The following STK32B variants were observed in gnomAD, a reference collection of about 807,000 sequenced individuals.
STK32B encodes the protein serine/threonine kinase 32B, also known as serine/threonine-protein kinase 32B.
A neutral mutation model predicts 52.6 loss-of-function variants in STK32B; 43 were observed. That is an observed-to-expected ratio of 0.82 (90% CI 0.64 to 1.05). The LOEUF (loss-of-function observed/expected upper bound fraction) is 1.05. STK32B is among the 50% of genes least tolerant of loss of function. STK32B has a pLI of 0.00. For synonymous variants in STK32B, 238 were observed against 204.3 expected (o/e 1.17, Z -1.41); for missense variants, 621 against 534.6 (o/e 1.16, Z -1.59).
intron 3 of STK32B, among the ~76,000 whole-genome samples, chr4:5,298,963 A>G (rs1729381200): frequency 1.3e-5 from 2 of 152,110 alleles, no homozygotes; most frequent in South Asian, 2.1e-4. Context: ...TGGGTTGGAA[A>G]AACTATGGGA....
At chr4:5,311,632 G>C (rs1307832433) in intron 3 of STK32B, among the ~76,000 whole-genome samples, 1 of 152,096 alleles carries the variant, frequency 6.6e-6, no homozygotes, top group African/African-American at 2.4e-5. Flanking sequence ...CCATTAAACA[G>C]ATAAAGAGAA....
chr4:5,312,497 C>T (rs28588317), intron 3 of STK32B, among the ~76,000 whole-genome samples: 1,700 of 150,218 alleles, frequency 0.011, 22 homozygotes, highest in South Asian at 0.057. Flanking sequence ...TCCATGTGTT[C>T]TCATTGTTCA....
chr4:5,277,858 T>C (rs1001145584), intron 3 of STK32B, among the ~76,000 whole-genome samples: 1 of 152,194 alleles, frequency 6.6e-6, no homozygotes, highest in Non-Finnish European at 1.5e-5. Context: ...CCTTTGACCA[T>C]CCATAAGAAT....
rs1211099463 is a variant in STK32B at position 5,470,128 on chromosome 4, G to A, written c.1106+2058G>A. 6.6e-6 allele frequency among the ~76,000 whole-genome samples: 1 copy of A among 152,186 alleles called. No individual in the cohort carries two copies. The highest frequency in any genetic ancestry group is 1.9e-4 in the East Asian group (1 of 5,194). On this transcript the variant is annotated intron_variant, in intron 11 of 11. Transcript: ENST00000282908. The surrounding 1 kb of genome is among the most constrained non-coding windows in gnomAD (Gnocchi z 4.6). ...TGGATTCTTCCTTTTAAAAGGAAGTGAGAATGAGACATCCTTCCCTGTGTC... is the reference window on the plus strand; with the variant it reads ...TGGATTCTTCCTTTTAAAAGGAAGTAAGAATGAGACATCCTTCCCTGTGTC...
rs1370294541 is a variant in STK32B at position 5,234,972 on chromosome 4, A to G, written c.260+66522A>G. 2.6e-5 allele frequency among the ~76,000 whole-genome samples: 4 copies of G among 152,368 alleles called. No individual in the cohort carries two copies. In the East Asian group the frequency reaches 7.7e-4, roughly 29 times the overall value. ...AAGGAAAGGAGGTGCCCTTCCTGAG[A>G]ACTTTCCATAAACCAAGCACAGTGC... On this transcript the variant is annotated intron_variant, in intron 3 of 11. Coordinates refer to ENST00000282908, the MANE Select transcript of STK32B (RefSeq NM_018401.3).
At chr4:5,357,573 A>T (rs1184357740) in intron 4 of STK32B, among the ~76,000 whole-genome samples, 3 of 152,100 alleles carry the variant, frequency 2.0e-5, no homozygotes, top group Non-Finnish European at 4.4e-5. Context: ...TCTAAAAAAA[A>T]AAATGTTCTC....
intron 11 of STK32B, among the ~76,000 whole-genome samples, chr4:5,487,927 A>G (rs773525879): frequency 9.2e-5 from 14 of 152,134 alleles, no homozygotes; most frequent in African/African-American, 3.4e-4. Flanking sequence ...TCTAGTTTCA[A>G]TGTATCAGGC....
At chr4:5,468,528 G>C (rs1173994324) in intron 11 of STK32B, among the ~76,000 whole-genome samples, 2 of 152,188 alleles carry the variant, frequency 1.3e-5, no homozygotes, top group South Asian at 4.1e-4. Context: ...ATGAGGCTGT[G>C]GTCCCGCAGC....
At chr4:5,412,857 A>G (rs1366743324) in intron 5 of STK32B, among the ~76,000 whole-genome samples, 1 of 152,166 alleles carries the variant, frequency 6.6e-6, no homozygotes, top group Admixed American at 6.5e-5. Context: ...CTGAAAGAGT[A>G]TTCAAAATTG....
chr4:5,114,246 T>G (rs1046595631), intron 1 of STK32B, among the ~76,000 whole-genome samples: 2 of 151,532 alleles, frequency 1.3e-5, no homozygotes, highest in Admixed American at 1.3e-4. Context: ...TCTCATACTT[T>G]CCCCAGTTCC....
chr4:5,444,164 T>C (rs6814733), intron 6 of STK32B, among the ~76,000 whole-genome samples: 10 of 152,200 alleles, frequency 6.6e-5, no homozygotes, highest in African/African-American at 1.9e-4. Flanking sequence ...GTTTACCTAA[T>C]CAAGCCTGGG....
At chr4:5,239,382 G>A (rs1048341304) in intron 3 of STK32B, among the ~76,000 whole-genome samples, 6 of 152,100 alleles carry the variant, frequency 3.9e-5, no homozygotes, top group African/African-American at 7.2e-5. Flanking sequence ...GCAGGAGGTC[G>A]GCACCGTCTG....
intron 1 of STK32B, among the ~76,000 whole-genome samples, chr4:5,079,292 G>T (rs368843717): frequency 1.4e-3 from 181 of 128,546 alleles, no homozygotes; most frequent in African/African-American, 4.9e-3. Flanking sequence ...ACATAAAACT[G>T]CACTTTTTGC....
intron 2 of STK32B, among the ~76,000 whole-genome samples, chr4:5,152,024 G>A (rs1267134741): frequency 6.6e-6 from 1 of 152,132 alleles, no homozygotes; most frequent in Non-Finnish European, 1.5e-5. Flanking sequence ...CCAAGGTGTC[G>A]CCATGTGATC....
At chr4:5,458,414 C>T (rs1716751444) in intron 8 of STK32B, among the ~76,000 whole-genome samples, 2 of 152,144 alleles carry the variant, frequency 1.3e-5, no homozygotes, top group South Asian at 4.1e-4. Flanking sequence ...CCTCCCAAGC[C>T]CTGTGAGCAG....
intron 3 of STK32B, among the ~76,000 whole-genome samples, chr4:5,201,859 C>T (rs1181562833): frequency 1.3e-5 from 2 of 152,166 alleles, no homozygotes; most frequent in Non-Finnish European, 2.9e-5. Context: ...GTCCCTTTGT[C>T]GAAACGTGGG....
chr4:5,212,088 G>A (rs867086723), intron 3 of STK32B, among the ~76,000 whole-genome samples: 35 of 152,274 alleles, frequency 2.3e-4, no homozygotes, highest in African/African-American at 7.0e-4. Flanking sequence ...GGACACAGGC[G>A]ATTTTATTTA....
chr4:5,418,479 A>G (rs1462948242), intron 6 of STK32B, among the ~76,000 whole-genome samples: 2 of 152,258 alleles, frequency 1.3e-5, no homozygotes, highest in African/African-American at 2.4e-5. Flanking sequence ...TTTAAAGCCC[A>G]TATTTCTCCA....
intron 3 of STK32B, among the ~76,000 whole-genome samples, chr4:5,292,122 T>C (rs1020056838): frequency 3.9e-5 from 6 of 152,148 alleles, no homozygotes; most frequent in Admixed American, 6.5e-5. Context: ...AGCGGTCTTT[T>C]TTGGTACAAC....
Sources: allele counts gnomAD v4.1 joint callset (sites outside exome capture counted in the v4.1 genomes callset), GRCh38; gene constraint gnomAD v4.1.1; non-coding constraint Gnocchi (gnomAD v3.1); transcripts MANE v1.5; gene names NCBI Gene and HGNC (gene_info 2026-07-23, HGNC 2026-07-21).